The following SETX variants were observed in gnomAD, a reference collection of about 807,000 sequenced individuals.
The protein encoded by SETX is helicase senataxin.
A neutral mutation model predicts 227.2 loss-of-function variants in SETX; 90 were observed. That is an observed-to-expected ratio of 0.40 (90% CI 0.33 to 0.47). The LOEUF is 0.47. Ranked by LOEUF, SETX falls within the 20% of genes least tolerant of loss-of-function variation. SETX has a pLI of 0.91. For synonymous variants in SETX, 1,210 were observed against 1,113.2 expected (o/e 1.09, Z -1.73); for missense variants, 3,052 against 3,181.5 (o/e 0.96, Z 0.98).
rs1250942610 is a variant in SETX, at chr9:132,329,924, G to T, written c.1674C>A (p.Phe558Leu). The change falls in exon 10 of 26, where the codon TTC becomes TTA. Residue 558 changes from phenylalanine to leucine, a missense_variant. Around this residue, in one of 10 missense-constraint regions of SETX, gnomAD observed 179 missense variants for 197.1 expected, o/e 0.91. Transcript: ENST00000224140. The stretch of plus-strand genomic sequence containing the variant: ...TAAGGAATAAGTTGAGCTTATCCCA[G>T]AATCGCTTGCAAAGAGACTGCTGCC... ...QLGQQSLCKRFWDKLNLFLRG... is the reference protein window; with the variant it reads ...QLGQQSLCKRLWDKLNLFLRG... The T allele has an allele frequency of 6.2e-7, 1 of 1,614,052 alleles. No homozygotes were observed. Among genetic ancestry groups the T allele is most frequent in the Non-Finnish European group, 8.5e-7 (1 of 1,180,038 alleles).
At chr9:132,322,648 T>C (rs1411676967) in intron 10 of SETX, among the ~76,000 whole-genome samples, 2 of 152,208 alleles carry the variant, frequency 1.3e-5, no homozygotes, top group Non-Finnish European at 2.9e-5. Flanking sequence ...TTCCACTTTT[T>C]GGCTACCATG....
chr9:132,282,711 T>C (rs537433536), intron 19 of SETX: 203 of 162,170 alleles, frequency 1.3e-3, no homozygotes, highest in Non-Finnish European at 1.8e-3. Flanking sequence ...CTCAAATTTC[T>C]CTTAAATTCA....
Position 132,326,836 on chromosome 9 carries a change from CAGG to C in SETX, c.4759_4761del (p.Pro1587del), listed in dbSNP as rs1589735789. On this transcript the variant is annotated inframe_deletion, in exon 10 of 26. Coordinates refer to ENST00000224140, the MANE Select transcript of SETX (RefSeq NM_015046.7). ...GTGGTAGGTCTCAAAGGTTTAGATG[CAGG>C]AGGAGGCAAGCCAGGTTTACGAAAT... 1.2e-6 allele frequency: 2 copies of C among 1,614,192 alleles called. No homozygotes were observed. Among genetic ancestry groups the C allele is most frequent in the South Asian group, 1.1e-5 (1 of 91,080 alleles).
chr9:132,354,834 C>T (rs1332824764), intron 1 of SETX, 83 bp downstream of exon 1: 1 of 152,258 alleles, frequency 6.6e-6, no homozygotes, highest in Non-Finnish European at 1.5e-5. Flanking sequence ...CGCGATGGTT[C>T]CCCGAAGCGG....
chr9:132,302,246 A>G (rs1225008231), intron 11 of SETX, among the ~76,000 whole-genome samples: 1 of 150,918 alleles, frequency 6.6e-6, no homozygotes, highest in Admixed American at 6.6e-5. Flanking sequence ...AGTCCCAGCT[A>G]CTCGGGAGGC....
At position 132,264,352 on chromosome 9, in the gene SETX, C is replaced by T. The variant is rs1001169129; in HGVS notation, c.7921G>A (p.Gly2641Arg). ...HRREARAFSE[G>R]EQEKCGSETH... ...TCGGAACCACACTTCTCCTGCTCCC[C>T]TTCACTGAAAGCCCTGGCCTCTCTC... Residue 2641 changes from glycine to arginine, a missense_variant, in exon 26 of 26, where the codon GGG (glycine) becomes AGG (arginine). This residue lies in a region of SETX where 294 missense variants were observed against 278.8 expected (regional missense o/e 1.05). Transcript: ENST00000224140. 2.5e-6 allele frequency: 4 copies of T among 1,614,098 alleles called. No homozygotes were observed. In the African/African-American group the frequency reaches 5.3e-5, roughly 22 times the overall value.
intron 20 of SETX, among the ~76,000 whole-genome samples, chr9:132,279,944 T>C (rs1406591210): frequency 6.6e-6 from 1 of 152,140 alleles, no homozygotes; most frequent in East Asian, 1.9e-4. Flanking sequence ...CACATAAACA[T>C]ATACATGTAT....
chr9:132,311,364 G>T (rs1397324060), intron 11 of SETX, among the ~76,000 whole-genome samples: 1 of 152,008 alleles, frequency 6.6e-6, no homozygotes. Flanking sequence ...TGAATGTTTG[G>T]TGTATTTATA....
chr9:132,350,225 C>T (rs577538496), intron 2 of SETX, among the ~76,000 whole-genome samples: 55 of 152,272 alleles, frequency 3.6e-4, no homozygotes, highest in African/African-American at 1.3e-3. Context: ...TGGTGCGCAT[C>T]TGCAATCCTA....
Position 132,328,397 on chromosome 9 carries a change from T to C in SETX, c.3201A>G (p.Thr1067=), listed in dbSNP as rs1846986407. ...EEKNPVKEEK[T]ETLFQFEESD... ...ATTCCTCAAACTGAAAAAGAGTCTCTGTCTTTTCTTCCTTTACTGGATTCT... is the reference window on the plus strand; with the variant it reads ...ATTCCTCAAACTGAAAAAGAGTCTCCGTCTTTTCTTCCTTTACTGGATTCT... Residue 1067 remains threonine (T), a synonymous_variant, in exon 10 of 26, where the codon ACA becomes ACG. Coordinates refer to ENST00000224140, the MANE Select transcript of SETX (RefSeq NM_015046.7). 1.9e-6 allele frequency: 3 copies of C among 1,614,036 alleles called. No individual in the cohort carries two copies. The highest frequency in any genetic ancestry group is 2.2e-5 in the South Asian group (2 of 91,084).
At chr9:132,280,661 G>C (rs1005204247) in intron 20 of SETX, among the ~76,000 whole-genome samples, 1 of 152,186 alleles carries the variant, frequency 6.6e-6, no homozygotes, top group African/African-American at 2.4e-5. Context: ...CTTTGAAAAT[G>C]ATCTGTTCTC....
rs760354631 is a variant in SETX, at chr9:132,328,337, A to C, written c.3261T>G (p.Ser1087=). 6.2e-7 allele frequency: 1 copy of C among 1,614,106 alleles called. No individual in the cohort carries two copies. Among genetic ancestry groups the C allele is most frequent in the South Asian group, 1.1e-5 (1 of 91,070 alleles). ...DSQCFEFESS[S]EVFSVWQDHP... is the part of the protein sequence containing the mutation. ...GATCTTGCCAAACTGAAAACACTTC[A>C]GATGAACTTTCAAACTCAAAACACT... The change falls in exon 10 of 26, where the codon TCT becomes TCG. Residue 1087 remains serine, a synonymous_variant. Transcript: ENST00000224140.
At chr9:132,300,410 A>C (rs1334820487) in intron 12 of SETX, among the ~76,000 whole-genome samples, 1 of 152,208 alleles carries the variant, frequency 6.6e-6, no homozygotes, top group Non-Finnish European at 1.5e-5. Context: ...GGATAAAGAA[A>C]TGTAACAAAA....
intron 20 of SETX, among the ~76,000 whole-genome samples, chr9:132,280,266 T>C (rs1843424490): frequency 6.8e-6 from 1 of 147,860 alleles, no homozygotes; most frequent in Non-Finnish European, 1.5e-5. Flanking sequence ...TGTACAACAA[T>C]TTAAACAGCA....
chr9:132,311,057 C>G (rs535344263), intron 11 of SETX, among the ~76,000 whole-genome samples: 1 of 152,160 alleles, frequency 6.6e-6, no homozygotes, highest in African/African-American at 2.4e-5. Context: ...AACTCCACCT[C>G]CCTGGTTCAA....
At chr9:132,312,558 T>A (rs1845724614) in intron 10 of SETX, among the ~76,000 whole-genome samples, 1 of 152,240 alleles carries the variant, frequency 6.6e-6, no homozygotes, top group South Asian at 2.1e-4. Flanking sequence ...AGTCTTTCAG[T>A]TCCTCTGAAG....
intron 15 of SETX, among the ~76,000 whole-genome samples, chr9:132,290,384 G>A (rs1377705947): frequency 1.3e-5 from 2 of 151,754 alleles, no homozygotes; most frequent in Non-Finnish European, 2.9e-5. Flanking sequence ...AGACCAGCCT[G>A]GCCAACATGG....
chr9:132,341,833 C>T (rs1278105891), intron 5 of SETX, among the ~76,000 whole-genome samples: 3 of 152,212 alleles, frequency 2.0e-5, no homozygotes, highest in South Asian at 2.1e-4. Context: ...AGCTACCCAC[C>T]GCCACCCAGG....
At chr9:132,347,115 G>C (rs1183825932) in intron 3 of SETX, among the ~76,000 whole-genome samples, 11 of 151,610 alleles carry the variant, frequency 7.3e-5, no homozygotes, top group Admixed American at 7.2e-4. Context: ...ATAGCCAGGC[G>C]TAGTGGTGCA....
Sources: gnomAD v4.1 joint callset for allele counts (sites outside exome capture counted in the v4.1 genomes callset) on GRCh38, gnomAD v4.1.1 for gene constraint, gnomAD v4.1.1 regional missense constraint, MANE v1.5 for transcripts, NCBI Gene and HGNC (gene_info 2026-07-23, HGNC 2026-07-21) for gene names.